The following HOMER3 variants were observed in gnomAD, a reference collection of about 807,000 sequenced individuals.
HOMER3 encodes the protein homer protein homolog 3.
HOMER3 carries 34 observed loss-of-function variants against 45.5 expected under a neutral mutation model. The observed-to-expected ratio is 0.75, with a 90% CI of 0.57 to 1.00. The LOEUF is 1.00. Ranked by LOEUF, HOMER3 falls within the 50% of genes least tolerant of loss-of-function variation. HOMER3 has a pLI of 0.00. For missense variants in HOMER3, 480 were observed against 497.5 expected (o/e 0.96, Z 0.33); for synonymous variants, 223 against 208.8 (o/e 1.07, Z -0.58).
At position 18,931,510 on chromosome 19, in the gene HOMER3, T is replaced by C. The variant is rs1477549691; in HGVS notation, c.806A>G (p.Gln269Arg). Reference sequence around the variant, plus strand: ...CCAGGAACCACACTTGGCACTCACCTGGTCCTTGGTTTGCACCAGAGCTTC... The same window carrying C: ...CCAGGAACCACACTTGGCACTCACCCGGTCCTTGGTTTGCACCAGAGCTTC... ...QLEALVQTKDQEIQTLKSQTG... is the reference protein window; with the variant it reads ...QLEALVQTKDREIQTLKSQTG... Residue 269 changes from glutamine (Q) to arginine (R), a missense_variant and splice_region_variant, in exon 8 of 10, where the codon CAG becomes CGG. Coordinates refer to ENST00000392351, the MANE Select transcript of HOMER3 (RefSeq NM_004838.4). 5 of 1,613,510 alleles carry C rather than the reference T, an allele frequency of 3.1e-6. No individual in the cohort carries two copies. The African/African-American group carries it at 6.7e-5, about 22-fold the overall frequency.
At chr19:18,932,450 G>A (rs1446883305) in intron 6 of HOMER3, among the ~76,000 whole-genome samples, 1 of 151,872 alleles carries the variant, frequency 6.6e-6, no homozygotes, top group African/African-American at 2.4e-5. Context: ...TTGGGCTAGG[G>A]CACGGAGTCA....
rs747855817 is a variant in HOMER3, at chr19:18,929,311, AGCCCG to A, written c.*127_*131del. On this transcript the variant is annotated 3_prime_UTR_variant, in exon 10 of 10. Transcript: ENST00000392351. Reference sequence around the variant, plus strand: ...AGCCGACTGGGGCCCACCCCAGCCCAGCCCGGCCCGGCCCACCCAGGGCTAAGTTG... The same window carrying A: ...AGCCGACTGGGGCCCACCCCAGCCCAGCCCGGCCCACCCAGGGCTAAGTTG... 3.8e-5 allele frequency: 38 copies of A among 1,009,554 alleles called. No homozygotes were observed. The highest frequency in any genetic ancestry group is 1.2e-4 in the East Asian group (5 of 42,228). 62.5% of individuals were successfully genotyped at this position (1,009,554 alleles called of 1,614,324 possible).
At chr19:18,940,094 G>A (rs1333740691) in intron 1 of HOMER3, 1 of 152,652 alleles carries the variant, frequency 6.6e-6, no homozygotes, top group Non-Finnish European at 1.5e-5. Flanking sequence ...CGGCCTCTGT[G>A]GTCAAAGGGG....
At chr19:18,940,411 G>C (rs1045128783) in intron 1 of HOMER3, 1 of 152,280 alleles carries the variant, frequency 6.6e-6, no homozygotes, top group African/African-American at 2.4e-5. Context: ...CAATCTGGCC[G>C]GTGGATGAGG....
rs752441239 is a variant in HOMER3 at position 18,929,402 on chromosome 19, G to A, written c.*41C>T. ...AACTATGCCGCCTGCAGCCTGGCCC[G>A]CATCCCAGGCCGGAATCGTTCATAG... On this transcript the variant is annotated 3_prime_UTR_variant, in exon 10 of 10. Transcript: ENST00000392351. The A allele has an allele frequency of 6.2e-5, 97 of 1,572,592 alleles. No homozygotes were observed. The highest frequency in any genetic ancestry group is 1.4e-4 in the East Asian group (6 of 44,164).
Position 18,938,745 on chromosome 19 carries a change from T to C in HOMER3, c.154A>G (p.Ser52Gly). The C allele has an allele frequency of 6.3e-7, 1 of 1,579,766 alleles. No individual in the cohort carries two copies. Among genetic ancestry groups the C allele is most frequent in the Non-Finnish European group, 8.6e-7 (1 of 1,158,396 alleles). Residue 52 changes from serine (S) to glycine (G), a missense_variant, in exon 3 of 10, where the codon AGC becomes GGC. Ser to Gly is a moderately conservative substitution (Grantham distance 56). Transcript: ENST00000392351. ...DATRNVYRII[S>G]IGGAKAIINS... The stretch of plus-strand genomic sequence containing the variant: ...ACCCTGACCTTGGCGCCTCCGATGC[T>C]GATGATGCGGTACACATTGCGGGTG...
chr19:18,938,944 C>T lies in HOMER3; in HGVS notation c.14+25G>A, dbSNP rs767375398. The T allele has an allele frequency of 4.4e-6, 7 of 1,607,630 alleles. No individual in the cohort carries two copies. The South Asian group carries it at 7.8e-5, about 18-fold the overall frequency. Reference sequence around the variant, plus strand: ...CACCCCCACTTAGAAAGCTCAGGGCCAGGCTGGGGGAGGTGGGAGCTCACC... The same window carrying T: ...CACCCCCACTTAGAAAGCTCAGGGCTAGGCTGGGGGAGGTGGGAGCTCACC... On this transcript the variant is annotated intron_variant, in intron 2 of 9. Coordinates refer to ENST00000392351, the MANE Select transcript of HOMER3 (RefSeq NM_004838.4).
In HOMER3 at chr19:18,938,739, C is replaced by T. The variant is rs764417013; in HGVS notation, c.160G>A (p.Gly54Arg). Residue 54 changes from glycine to arginine, a missense_variant, in exon 3 of 10, where the codon GGA (glycine) becomes AGA (arginine). Coordinates refer to ENST00000392351, the MANE Select transcript of HOMER3 (RefSeq NM_004838.4). ...TRNVYRIISI[G>R]GAKAIINSTV... is the part of the protein sequence containing the mutation. Reference sequence around the variant, plus strand: ...GACCCCACCCTGACCTTGGCGCCTCCGATGCTGATGATGCGGTACACATTG... The same window carrying T: ...GACCCCACCCTGACCTTGGCGCCTCTGATGCTGATGATGCGGTACACATTG... The T allele has an allele frequency of 1.9e-6, 3 of 1,594,222 alleles. No homozygotes were observed. The highest frequency in any genetic ancestry group is 1.1e-5 in the South Asian group (1 of 87,366).
At position 18,929,331 on chromosome 19, in the gene HOMER3, G is replaced by C; in HGVS notation, c.*112C>G. ...AGCCCAGCCCGGCCCGGCCCACCCA[G>C]GGCTAAGTTGGGACCCCCCAGTCCC... is the stretch of plus-strand genomic sequence containing the variant. On this transcript the variant is annotated 3_prime_UTR_variant, in exon 10 of 10. Coordinates refer to ENST00000392351, the MANE Select transcript of HOMER3 (RefSeq NM_004838.4). The C allele has an allele frequency of 5.0e-6, 6 of 1,204,160 alleles. No homozygotes were observed. The highest frequency in any genetic ancestry group is 2.4e-5 in the East Asian group (1 of 41,248). The allele number at this position is 1,204,160 out of a possible 1,614,324, so 74.6% of individuals were successfully genotyped here.
At chr19:18,940,270 C>G (rs1049810854) in intron 1 of HOMER3, 1 of 152,278 alleles carries the variant, frequency 6.6e-6, no homozygotes, top group African/African-American at 2.4e-5. Context: ...CAGGCCCTTC[C>G]GGTCCGGCAG....
At position 18,929,343 on chromosome 19, in the gene HOMER3, G is replaced by T; in HGVS notation, c.*100C>A. On this transcript the variant is annotated 3_prime_UTR_variant, in exon 10 of 10. Coordinates refer to ENST00000392351, the MANE Select transcript of HOMER3 (RefSeq NM_004838.4). ...CCCGGCCCACCCAGGGCTAAGTTGGGACCCCCCAGTCCCTTTCCAGGACGA... is the reference window on the plus strand; with the variant it reads ...CCCGGCCCACCCAGGGCTAAGTTGGTACCCCCCAGTCCCTTTCCAGGACGA... The T allele has an allele frequency of 7.2e-7, 1 of 1,394,752 alleles. No homozygotes were observed. The highest frequency in any genetic ancestry group is 1.0e-6 in the Non-Finnish European group (1 of 994,660). 86.4% of individuals were successfully genotyped at this position (1,394,752 alleles called of 1,614,324 possible).
In HOMER3 at chr19:18,938,373, A is replaced by C. The variant is rs755487950; in HGVS notation, c.283T>G (p.Ser95Ala). 1 of 1,612,158 alleles carries C rather than the reference A, an allele frequency of 6.2e-7. No homozygotes were observed. Among genetic ancestry groups the C allele is most frequent in the Admixed American group, 1.7e-5 (1 of 59,970 alleles). Residue 95 changes from serine to alanine, a missense_variant, in exon 4 of 10, where the codon TCT becomes GCT. Coordinates refer to ENST00000392351, the MANE Select transcript of HOMER3 (RefSeq NM_004838.4). ...CCCACCTGTGTCAGATGCTGTTCAG[A>C]GGCAAAGCCCAGGCCGTAGACTGTG... ...ANTVYGLGFA[S>A]EQHLTQFAEK...
At chr19:18,936,505 T>G (rs2145130097) in intron 4 of HOMER3, among the ~76,000 whole-genome samples, 1 of 150,818 alleles carries the variant, frequency 6.6e-6, no homozygotes, top group South Asian at 2.1e-4. Context: ...AACAAAAATT[T>G]TGTAAAAATA....
intron 5 of HOMER3, 49 bp downstream of exon 5, chr19:18,934,254 G>A (rs756722670): frequency 3.5e-6 from 4 of 1,130,474 alleles, no homozygotes; most frequent in East Asian, 6.0e-5. Context: ...TGAGCGCCTG[G>A]CTGACTCACA....
intron 1 of HOMER3, chr19:18,940,259 C>T (rs1300266691): frequency 1.3e-5 from 2 of 152,258 alleles, no homozygotes; most frequent in Non-Finnish European, 2.9e-5. Context: ...TCCCCGGAAC[C>T]CAGGCCCTTC....
rs376354501 is a variant in HOMER3, at chr19:18,932,953, G to A, written c.504C>T (p.Arg168=). The stretch of plus-strand genomic sequence containing the variant: ...CAGACAACATCTTCTTTAGCCGCTC[G>A]CGCTCTGTGGGGCCGGGGGCATCAG... ...QSADAPGPTE[R]ERLKKMLSEG... The change falls in exon 6 of 10, where the codon CGC becomes CGT. Residue 168 remains arginine, a synonymous_variant. Transcript: ENST00000392351. 4.0e-5 allele frequency: 56 copies of A among 1,396,114 alleles called. No individual in the cohort carries two copies. The highest frequency in any genetic ancestry group is 9.1e-5 in the East Asian group (3 of 33,090). 86.5% of individuals were successfully genotyped at this position (1,396,114 alleles called of 1,614,324 possible). A position where few individuals can be genotyped will look rare whatever the true frequency, so the allele number is the denominator to read the frequency against.
intron 4 of HOMER3, 121 bp from the exon 5 acceptor site, chr19:18,934,531 G>A (rs772610565): frequency 2.0e-6 from 1 of 501,222 alleles, no homozygotes. Flanking sequence ...ACACACCTTG[G>A]AAGAAGGAGA....
chr19:18,937,323 A>AAAAG (rs2057103635), intron 4 of HOMER3, among the ~76,000 whole-genome samples: 2 of 150,056 alleles, frequency 1.3e-5, no homozygotes, highest in African/African-American at 5.0e-5. Flanking sequence ...AAAAAAAAAA[A>AAAAG]AAGAAGGGAG....
intron 9 of HOMER3, among the ~76,000 whole-genome samples, chr19:18,930,109 G>A (rs2057014528): frequency 6.6e-6 from 1 of 151,892 alleles, no homozygotes; most frequent in Admixed American, 6.6e-5. Flanking sequence ...AATTAGCTGG[G>A]CATGGTGGTG....
Sources: allele counts gnomAD v4.1 joint callset (sites outside exome capture counted in the v4.1 genomes callset), GRCh38; gene constraint gnomAD v4.1.1; transcripts MANE v1.5; gene names NCBI Gene and HGNC (gene_info 2026-07-23, HGNC 2026-07-21).